Variants in GTF2IRD1 observed in about 807,000 individuals in gnomAD.
GTF2IRD1 encodes the protein general transcription factor II-I repeat domain-containing protein 1.
GTF2IRD1 carries 26 observed loss-of-function variants against 113.2 expected under a neutral mutation model. The observed-to-expected ratio is 0.23, with a 90% CI of 0.17 to 0.32. GTF2IRD1 has a LOEUF of 0.32. GTF2IRD1 is among the 10% of genes least tolerant of loss of function. The pLI, the probability that GTF2IRD1 is intolerant of heterozygous loss-of-function variation, is 1.00. For synonymous variants in GTF2IRD1, 484 were observed against 529.1 expected, an observed-to-expected ratio of 0.91 and a Z score of 1.17; for missense variants, 864 against 1,280.8, an observed-to-expected ratio of 0.67 and a Z score of 4.97.
At chr7:74,526,877 A>G (rs1797631988) in intron 8 of GTF2IRD1, among the ~76,000 whole-genome samples, 1 of 152,118 alleles carries the variant, frequency 6.6e-6, no homozygotes, top group African/African-American at 2.4e-5. Flanking sequence ...TAAGTGTGAC[A>G]TCTCAGTGGG....
At chr7:74,587,589 A>C (rs1368609079) in intron 22 of GTF2IRD1, among the ~76,000 whole-genome samples, 4 of 151,986 alleles carry the variant, frequency 2.6e-5, no homozygotes, top group African/African-American at 9.7e-5. Flanking sequence ...CGCCTGCCCC[A>C]AGAGGCCCAG....
At chr7:74,501,198 G>A (rs1282136883) in intron 1 of GTF2IRD1, among the ~76,000 whole-genome samples, 1 of 152,152 alleles carries the variant, frequency 6.6e-6, no homozygotes, top group African/African-American at 2.4e-5. Context: ...CCTGTTCACT[G>A]CCGGGCAGGG....
At chr7:74,502,970 C>A (rs1796110665) in intron 1 of GTF2IRD1, among the ~76,000 whole-genome samples, 2 of 152,094 alleles carry the variant, frequency 1.3e-5, no homozygotes, top group African/African-American at 2.4e-5. Context: ...CGTTCGAGAC[C>A]AGCCTGACCA....
rs1465608723 is a variant in GTF2IRD1, at chr7:74,454,061, G to A, written c.-122G>A. 17 of 151,014 alleles carry A rather than the reference G, an allele frequency of 1.1e-4. No individual in the cohort carries two copies. Among genetic ancestry groups the A allele is most frequent in the African/African-American group, 3.4e-4 (14 of 41,244 alleles). 9.4% of individuals were successfully genotyped at this position (151,014 alleles called of 1,614,324 possible). A position where few individuals can be genotyped will look rare whatever the true frequency, so the allele number is the denominator to read the frequency against. On this transcript the variant is annotated 5_prime_UTR_variant, in exon 1 of 27. Coordinates refer to ENST00000424337, the MANE Select transcript of GTF2IRD1 (RefSeq NM_005685.4). ...CGCGCCGCCGTCCTCGCCTCCCTCT[G>A]CCTCTCCTTCCCCCATTCTCCCGGA...
chr7:74,549,302 CAAA>C (rs71813162), intron 17 of GTF2IRD1, among the ~76,000 whole-genome samples: 13 of 108,052 alleles, frequency 1.2e-4, no homozygotes, highest in Non-Finnish European at 1.2e-4. Context: ...GACTCTGTCT[CAAA>C]AAAAAAAAAA....
chr7:74,554,541 T>C (rs1554356137), intron 17 of GTF2IRD1, among the ~76,000 whole-genome samples: 1 of 152,106 alleles, frequency 6.6e-6, no homozygotes, highest in African/African-American at 2.4e-5. Context: ...CTGTTTCTAC[T>C]CTTTTCTTTC....
chr7:74,559,723 T>A (rs1554358506), intron 22 of GTF2IRD1, 68 bp downstream of exon 22: 4 of 1,343,126 alleles, frequency 3.0e-6, no homozygotes, highest in African/African-American at 1.5e-5. Context: ...GGACTGGAGC[T>A]AAGCCTGCTG....
intron 1 of GTF2IRD1, among the ~76,000 whole-genome samples, chr7:74,477,695 C>T (rs904291938): frequency 6.6e-6 from 1 of 152,020 alleles, no homozygotes; most frequent in Non-Finnish European, 1.5e-5. Context: ...CCTGGGACAC[C>T]TGTCCTCACC....
intron 14 of GTF2IRD1, among the ~76,000 whole-genome samples, chr7:74,543,636 A>G (rs1330150077): frequency 2.0e-5 from 3 of 152,166 alleles, no homozygotes; most frequent in Non-Finnish European, 4.4e-5. Context: ...GCAGTGGCTC[A>G]TGTCTGTAAT....
chr7:74,504,002 A>G (rs759815626), intron 1 of GTF2IRD1, among the ~76,000 whole-genome samples: 5 of 152,100 alleles, frequency 3.3e-5, no homozygotes, highest in Non-Finnish European at 5.9e-5. Context: ...AAGTGAGAAC[A>G]TTTGATATTT....
intron 3 of GTF2IRD1, 94 bp downstream of exon 3, chr7:74,513,065 G>A: frequency 7.9e-7 from 1 of 1,268,546 alleles, no homozygotes; most frequent in Non-Finnish European, 1.1e-6. Flanking sequence ...GTCTAGCCAG[G>A]GTGGCGGTGT....
At chr7:74,462,708 A>G (rs868949278) in intron 1 of GTF2IRD1, among the ~76,000 whole-genome samples, 3 of 152,228 alleles carry the variant, frequency 2.0e-5, no homozygotes, top group East Asian at 1.9e-4. Flanking sequence ...CCTGCACCCC[A>G]TCACTACCCA....
chr7:74,559,652 C>A lies in GTF2IRD1; in HGVS notation c.2317C>A (p.Pro773Thr). ...GCCTTTCCAAGGACTCATCCCAAAG[C>A]CTGGTAAGAGGCACTGGCTGTGGAG... ...TRPFQGLIPKPDEDDANRLGE... is the reference protein window; with the variant it reads ...TRPFQGLIPKTDEDDANRLGE... Residue 773 changes from proline to threonine, a missense_variant, in exon 22 of 27, where the codon CCT (proline) becomes ACT (threonine). Coordinates refer to ENST00000424337, the MANE Select transcript of GTF2IRD1 (RefSeq NM_005685.4). 6.3e-7 allele frequency: 1 copy of A among 1,596,760 alleles called. No individual in the cohort carries two copies. Among genetic ancestry groups the A allele is most frequent in the Non-Finnish European group, 8.5e-7 (1 of 1,172,196 alleles).
chr7:74,526,414 CA>C lies in GTF2IRD1; in HGVS notation c.1090+2263del, dbSNP rs1797599650. On this transcript the variant is annotated intron_variant, in intron 8 of 26. Coordinates refer to ENST00000424337, the MANE Select transcript of GTF2IRD1 (RefSeq NM_005685.4). ...AGGCATTCCACTGGTCGTGGGTGAG[CA>C]AACCCTGCTCCCAGCTCTACCAGCC... Among the ~76,000 whole-genome samples, 4 of 152,308 alleles carry C rather than the reference CA, an allele frequency of 2.6e-5. 1 individual carries two copies. In the South Asian group the frequency reaches 8.3e-4, roughly 32 times the overall value.
intron 26 of GTF2IRD1, chr7:74,601,419 G>T: frequency 6.8e-7 from 1 of 1,476,542 alleles, no homozygotes; most frequent in Non-Finnish European, 9.0e-7. Context: ...TCGCTGGGCA[G>T]ATGGGCCGGC....
At chr7:74,577,466 C>CTAAATGTT (rs1801145506) in intron 22 of GTF2IRD1, among the ~76,000 whole-genome samples, 1 of 152,118 alleles carries the variant, frequency 6.6e-6, no homozygotes, top group South Asian at 2.1e-4. Context: ...CTCTTCGTGC[C>CTAAATGTT]TAAATGTTTC....
In GTF2IRD1 at chr7:74,576,617, CTTTTTTTTTTTTTTTT is replaced by C. The variant is rs1165378230; in HGVS notation, c.2321-13217_2321-13202del. On this transcript the variant is annotated intron_variant, in intron 22 of 26. Coordinates refer to ENST00000424337, the MANE Select transcript of GTF2IRD1 (RefSeq NM_005685.4). ...TCTAGGGGAAAATCTATTTCCTTGT[CTTTTTTTTTTTTTTTT>C]TTTTTTTTTTTTTTTTGAGACAGAG... Among the ~76,000 whole-genome samples the C allele has an allele frequency of 1.2e-4, 6 of 49,366 alleles. 1 individual carries two copies. The East Asian group carries it at 3.1e-3, about 26-fold the overall frequency. The allele number at this position is 49,366 out of a possible 152,430, so 32.4% of individuals were successfully genotyped here. A position where few individuals can be genotyped will look rare whatever the true frequency, so the allele number is the denominator to read the frequency against.
intron 22 of GTF2IRD1, among the ~76,000 whole-genome samples, chr7:74,582,735 G>C (rs587751610): frequency 6.6e-6 from 1 of 152,206 alleles, no homozygotes; most frequent in East Asian, 1.9e-4. Context: ...ACCTGGCCCT[G>C]GGGATCCCCC....
At chr7:74,489,978 G>T (rs188364254) in intron 1 of GTF2IRD1, among the ~76,000 whole-genome samples, 139 of 151,886 alleles carry the variant, frequency 9.2e-4, no homozygotes, top group African/African-American at 2.9e-3. Context: ...TTTTTTTTGT[G>T]TGTGTGTGTG....
Sources: gnomAD v4.1 joint callset for allele counts (sites outside exome capture counted in the v4.1 genomes callset) on GRCh38, gnomAD v4.1.1 for gene constraint, MANE v1.5 for transcripts, NCBI Gene and HGNC (gene_info 2026-07-23, HGNC 2026-07-21) for gene names.